Variants in CNTN5 observed in about 807,000 individuals in gnomAD.
The protein encoded by CNTN5 is contactin 5.
Under a neutral mutation model 129.1 loss-of-function variants are expected in CNTN5, and 77 were observed. The observed-to-expected ratio is 0.60, with a 90% CI of 0.50 to 0.72. CNTN5 has a LOEUF of 0.72. Among genes scored for constraint, CNTN5 ranks in the 30% least tolerant of loss-of-function variants. CNTN5 has a pLI of 0.00. For synonymous variants in CNTN5, 509 were observed against 465.6 expected, an observed-to-expected ratio of 1.09 and a Z score of -1.20; for missense variants, 1,478 against 1,328.8, an observed-to-expected ratio of 1.11 and a Z score of -1.75.
In CNTN5 at chr11:99,618,742, T is replaced by G. The variant is rs1407631784; in HGVS notation, c.55+62473T>G. Among the ~76,000 whole-genome samples, 5 of 152,194 alleles carry G rather than the reference T, an allele frequency of 3.3e-5. No individual in the cohort carries two copies. The South Asian group carries it at 1.0e-3, about 31-fold the overall frequency. Reference sequence around the variant, plus strand: ...GATTGTGTCTGTTATACCAGGCTAATACTTTCACTCTCAGAATATTTGGGT... The same window carrying G: ...GATTGTGTCTGTTATACCAGGCTAAGACTTTCACTCTCAGAATATTTGGGT... On this transcript the variant is annotated intron_variant, in intron 3 of 24. Transcript: ENST00000524871.
At chr11:100,081,253 G>A (rs535261083) in intron 13 of CNTN5, among the ~76,000 whole-genome samples, 4 of 152,050 alleles carry the variant, frequency 2.6e-5, no homozygotes, top group African/African-American at 9.7e-5. Flanking sequence ...TGGAAATTAA[G>A]AATATATAGC....
chr11:99,306,339 G>A (rs949045430), intron 1 of CNTN5, among the ~76,000 whole-genome samples: 2 of 151,972 alleles, frequency 1.3e-5, no homozygotes, highest in African/African-American at 2.4e-5. Flanking sequence ...TTATCTTTTA[G>A]GGTTATTGTG....
chr11:100,113,527 C>T (rs1565253215), intron 13 of CNTN5, among the ~76,000 whole-genome samples: 1 of 143,698 alleles, frequency 7.0e-6, no homozygotes, highest in Admixed American at 6.9e-5. Context: ...TTGAAAAGTA[C>T]CAACACCAAA....
In CNTN5 at chr11:100,267,214, C is replaced by A. The variant is rs560829828; in HGVS notation, c.2165-3878C>A. ...ATTACAGTTCTAGAGGTTGGGAGTTCCAACATCAAGTGGCCTTCTTTGTTT... is the reference window on the plus strand; with the variant it reads ...ATTACAGTTCTAGAGGTTGGGAGTTACAACATCAAGTGGCCTTCTTTGTTT... On this transcript the variant is annotated intron_variant, in intron 17 of 24. Coordinates refer to ENST00000524871, the MANE Select transcript of CNTN5 (RefSeq NM_014361.4). Among the ~76,000 whole-genome samples, 7 of 150,224 alleles carry A rather than the reference C, an allele frequency of 4.7e-5. No homozygotes were observed. In the South Asian group the frequency reaches 6.4e-4, roughly 14 times the overall value.
rs149772608 is a variant in CNTN5, at chr11:100,264,650, G to A, written c.2165-6442G>A. On this transcript the variant is annotated intron_variant, in intron 17 of 24. Transcript: ENST00000524871. ...TCTATTATTTATGGGCATTTGGGTT[G>A]CTTCCATGTCTCTGCTAATGTCAAT... 1.4e-3 allele frequency among the ~76,000 whole-genome samples: 220 copies of A among 152,188 alleles called. 2 individuals carry two copies. The highest frequency in any genetic ancestry group is 2.3e-3 in the Non-Finnish European group (154 of 68,008).
intron 2 of CNTN5, among the ~76,000 whole-genome samples, chr11:99,440,000 T>C (rs1943762951): frequency 6.6e-6 from 1 of 152,070 alleles, no homozygotes; most frequent in Non-Finnish European, 1.5e-5. Flanking sequence ...AAATGGTAAA[T>C]GTTAAAGCAT....
chr11:99,826,652 G>A (rs1337541702), intron 4 of CNTN5, among the ~76,000 whole-genome samples: 1 of 152,158 alleles, frequency 6.6e-6, no homozygotes, highest in East Asian at 1.9e-4. Flanking sequence ...TGGCAAAGGG[G>A]TAAGAGAGAA....
At chr11:100,050,336 G>A (rs1252343882) in intron 9 of CNTN5, among the ~76,000 whole-genome samples, 1 of 152,074 alleles carries the variant, frequency 6.6e-6, no homozygotes, top group East Asian at 1.9e-4. Flanking sequence ...GGACATGGAT[G>A]AAATTGGAAA....
intron 9 of CNTN5, among the ~76,000 whole-genome samples, chr11:100,025,960 G>A (rs11222419): frequency 0.1 from 15,881 of 152,116 alleles, 917 homozygotes; most frequent in Middle Eastern, 0.23. Context: ...AAGAATTTGG[G>A]GGACTGTTGT....
intron 4 of CNTN5, among the ~76,000 whole-genome samples, chr11:99,841,783 A>T (rs1403707545): frequency 1.2e-3 from 5 of 4,184 alleles, no homozygotes; most frequent in Admixed American, 5.3e-3. Flanking sequence ...TTTGACATTT[A>T]TATATATATA....
At chr11:99,066,958 C>A (rs1026176977) in intron 1 of CNTN5, among the ~76,000 whole-genome samples, 2 of 152,102 alleles carry the variant, frequency 1.3e-5, no homozygotes, top group Non-Finnish European at 2.9e-5. Flanking sequence ...GGCTTTCATC[C>A]AAAATCACTT....
At chr11:100,192,099 G>T (rs1360609177) in intron 14 of CNTN5, among the ~76,000 whole-genome samples, 1 of 151,910 alleles carries the variant, frequency 6.6e-6, no homozygotes, top group African/African-American at 2.4e-5. Flanking sequence ...CATCAAGAAA[G>T]AAAAGAACAA....
At chr11:99,066,126 CAG>C (rs1272105638) in intron 1 of CNTN5, among the ~76,000 whole-genome samples, 6 of 152,102 alleles carry the variant, frequency 3.9e-5, no homozygotes, top group African/African-American at 1.4e-4. Context: ...TGTTTAGAGA[CAG>C]AGTCTTCCTC....
chr11:100,068,692 T>G (rs1394890294), intron 10 of CNTN5, among the ~76,000 whole-genome samples: 1 of 152,186 alleles, frequency 6.6e-6, no homozygotes, highest in African/African-American at 2.4e-5. Flanking sequence ...TCATGATGAA[T>G]ATTTGAAACT....
chr11:100,166,046 G>C (rs957871323), intron 13 of CNTN5, among the ~76,000 whole-genome samples: 4 of 151,574 alleles, frequency 2.6e-5, no homozygotes, highest in Non-Finnish European at 5.9e-5. Flanking sequence ...TAAATGATTG[G>C]TGTTGGCTGC....
intron 3 of CNTN5, among the ~76,000 whole-genome samples, chr11:99,557,309 T>A (rs1948705338): frequency 2.6e-5 from 4 of 151,264 alleles, no homozygotes; most frequent in Admixed American, 2.6e-4. Flanking sequence ...GTATTTATGA[T>A]CATATATAAT....
chr11:99,170,147 T>C (rs1331547167), intron 1 of CNTN5, among the ~76,000 whole-genome samples: 1 of 152,146 alleles, frequency 6.6e-6, no homozygotes, highest in East Asian at 1.9e-4. Context: ...TAATATTTTG[T>C]GTATATATGG....
intron 13 of CNTN5, among the ~76,000 whole-genome samples, chr11:100,186,918 T>C (rs933793181): frequency 1.3e-5 from 2 of 152,190 alleles, no homozygotes; most frequent in African/African-American, 4.8e-5. Context: ...ATCTAATCTG[T>C]ATTTTTGTGA....
chr11:99,502,631 T>C (rs1166818188), intron 2 of CNTN5, among the ~76,000 whole-genome samples: 1 of 152,198 alleles, frequency 6.6e-6, no homozygotes, highest in African/African-American at 2.4e-5. Flanking sequence ...CAATTAAACC[T>C]CTTTTCTTTA....
Sources: allele counts gnomAD v4.1 joint callset (sites outside exome capture counted in the v4.1 genomes callset), GRCh38; gene constraint gnomAD v4.1.1; transcripts MANE v1.5; gene names NCBI Gene and HGNC (gene_info 2026-07-23, HGNC 2026-07-21).